TENM1: variants seen among roughly 807,000 people sequenced by gnomAD.
The protein encoded by TENM1 is teneurin-1.
A neutral mutation model predicts 174.8 loss-of-function variants in TENM1; 35 were observed. The ratio of observed to expected loss-of-function variants is 0.20; its 90% CI spans 0.15 to 0.27. The LOEUF is 0.27. Among genes scored for constraint, TENM1 ranks in the 10% least tolerant of loss-of-function variants. The probability of loss-of-function intolerance (pLI) is 1.00; values close to 1 mark genes in which losing one functional copy is unlikely to be tolerated. For synonymous variants in TENM1, 781 were observed against 798.7 expected, an observed-to-expected ratio of 0.98 and a Z score of 0.37; for missense variants, 1,633 against 2,130.1, an observed-to-expected ratio of 0.77 and a Z score of 4.59.
intron 1 of TENM1, among the ~76,000 whole-genome samples, chrX:124,937,800 A>C (rs751923378): frequency 1.2e-4 from 14 of 112,038 alleles, no homozygotes; most frequent in Non-Finnish European, 2.4e-4. Context: ...ATCCTGCCTC[A>C]TATAGCAACT....
At chrX:124,757,272 T>A (rs956738134) in intron 3 of TENM1, among the ~76,000 whole-genome samples, 1 of 112,385 alleles carries the variant, frequency 8.9e-6, no homozygotes, top group Non-Finnish European at 1.9e-5. Flanking sequence ...TCAGCGAGAC[T>A]CCGTGGGCGT....
At chrX:125,092,686 AAATAATAAGGAACAGATATGGAACAG>A in the TENM1 span, among the ~76,000 whole-genome samples, 5 of 111,945 alleles carry the variant, frequency 4.5e-5, no homozygotes, top group African/African-American at 1.6e-4. Context: ...TCCTACCAGA[AAATAATAAGGAACAGATATGGAACAG>A]AATTAAGTAA....
At chrX:124,999,568 A>G in the TENM1 span, among the ~76,000 whole-genome samples, 1 of 111,366 alleles carries the variant, frequency 9.0e-6, no homozygotes, top group Non-Finnish European at 1.9e-5. Context: ...AGCAGATGTT[A>G]CTATCTGGAG....
At chrX:124,617,652 G>A (rs1382478986) in intron 11 of TENM1, among the ~76,000 whole-genome samples, 2 of 112,122 alleles carry the variant, frequency 1.8e-5, no homozygotes, top group African/African-American at 3.2e-5. Context: ...CAGAAACCTA[G>A]GGGTTTCCAT....
intron 1 of TENM1, among the ~76,000 whole-genome samples, chrX:124,921,699 C>A (rs1333114981): frequency 1.8e-5 from 2 of 110,861 alleles, no homozygotes; most frequent in African/African-American, 6.5e-5. Context: ...CTTCTTCTCA[C>A]TCCCACTCCT....
intron 3 of TENM1, among the ~76,000 whole-genome samples, chrX:124,861,173 G>A (rs1250608287): frequency 3.6e-5 from 4 of 111,828 alleles, no homozygotes; most frequent in African/African-American, 1.3e-4. Flanking sequence ...ATGTATTGAG[G>A]GCGAGTAAAA....
chrX:124,870,314 AAC>A (rs1009174714), intron 3 of TENM1, among the ~76,000 whole-genome samples: 6 of 111,951 alleles, frequency 5.4e-5, no homozygotes, highest in Admixed American at 9.5e-5. Flanking sequence ...CAGTGAACAA[AAC>A]ACACAAGGAT....
the TENM1 span, among the ~76,000 whole-genome samples, chrX:125,202,005 A>C: frequency 9.0e-6 from 1 of 111,400 alleles, no homozygotes; most frequent in Non-Finnish European, 1.9e-5. Context: ...ATGCTGGGTA[A>C]TCATGGAGCA....
chrX:124,724,417 G>GTGTT (rs374241793), intron 4 of TENM1, among the ~76,000 whole-genome samples: 1,614 of 112,362 alleles, frequency 0.014, 30 homozygotes, highest in African/African-American at 0.048. Context: ...TATTGGCAGA[G>GTGTT]TGTTATGAGA....
At chrX:124,432,419 G>GTTTT (rs1261105217) in intron 23 of TENM1, among the ~76,000 whole-genome samples, 1 of 110,949 alleles carries the variant, frequency 9.0e-6, no homozygotes, top group Non-Finnish European at 1.9e-5. Flanking sequence ...TTGTTTGTTT[G>GTTTT]TTTGTTTGAG....
At chrX:124,477,179 A>G (rs1603282186) in intron 22 of TENM1, among the ~76,000 whole-genome samples, 1 of 112,206 alleles carries the variant, frequency 8.9e-6, no homozygotes, top group Non-Finnish European at 1.9e-5. Flanking sequence ...TCCCTTAAGG[A>G]AAATTTGGTG....
At chrX:124,948,655 C>T (rs753159097) in intron 1 of TENM1, among the ~76,000 whole-genome samples, 2 of 112,257 alleles carry the variant, frequency 1.8e-5, no homozygotes, top group Non-Finnish European at 3.8e-5. Context: ...TGGCTTCAAG[C>T]GATTCTCCAG....
chrX:124,659,932 A>G (rs576245115), intron 6 of TENM1, among the ~76,000 whole-genome samples: 6 of 111,380 alleles, frequency 5.4e-5, no homozygotes, highest in African/African-American at 2.0e-4. Flanking sequence ...CACATGCATA[A>G]GAATAAACGT....
At chrX:124,419,025 A>G (rs1309395867) in intron 25 of TENM1, among the ~76,000 whole-genome samples, 1 of 111,795 alleles carries the variant, frequency 8.9e-6, no homozygotes, top group Non-Finnish European at 1.9e-5. Context: ...GGATCAAATA[A>G]AGTCACATAT....
At chrX:124,621,229 C>T (rs2050510426) in intron 11 of TENM1, among the ~76,000 whole-genome samples, 1 of 111,911 alleles carries the variant, frequency 8.9e-6, no homozygotes, top group Non-Finnish European at 1.9e-5. Context: ...AATCCAAGCA[C>T]TTGTGCAGGA....
chrX:124,930,219 A>G (rs1823114673), intron 1 of TENM1, among the ~76,000 whole-genome samples: 1 of 112,176 alleles, frequency 8.9e-6, no homozygotes, highest in Non-Finnish European at 1.9e-5. Context: ...TTAAGAATGT[A>G]TTTCTTTACA....
intron 1 of TENM1, among the ~76,000 whole-genome samples, chrX:124,934,927 T>C (rs1327536903): frequency 9.0e-6 from 1 of 110,558 alleles, no homozygotes; most frequent in Non-Finnish European, 1.9e-5. Flanking sequence ...TATTGAAAGA[T>C]CGTTTCACAT....
intron 14 of TENM1, among the ~76,000 whole-genome samples, chrX:124,549,227 G>T (rs1287447489): frequency 8.9e-6 from 1 of 112,193 alleles, no homozygotes; most frequent in African/African-American, 3.2e-5. Flanking sequence ...GCGCTGAAAA[G>T]CTGGCAAAAA....
At chrX:125,049,025 G>A in the TENM1 span, among the ~76,000 whole-genome samples, 1 of 111,861 alleles carries the variant, frequency 8.9e-6, no homozygotes, top group Non-Finnish European at 1.9e-5. Flanking sequence ...GCTGCCAAGT[G>A]CAATGCCTAC....
Sources: gnomAD v4.1 joint callset for allele counts (sites outside exome capture counted in the v4.1 genomes callset) on GRCh38, gnomAD v4.1.1 for gene constraint, MANE v1.5 for transcripts, NCBI Gene and HGNC (gene_info 2026-07-23, HGNC 2026-07-21) for gene names.